The following WDR20 variants were observed in gnomAD, a reference collection of about 807,000 sequenced individuals.
WDR20 encodes the protein WD repeat-containing protein 20.
A neutral mutation model predicts 38.7 loss-of-function variants in WDR20; 3 were observed. The ratio of observed to expected loss-of-function variants is 0.08; its 90% CI spans 0.04 to 0.20. The LOEUF (loss-of-function observed/expected upper bound fraction) is 0.20. WDR20 is among the 10% of genes least tolerant of loss of function. WDR20 has a pLI of 1.00. For missense variants in WDR20, 559 were observed against 727.7 expected, an observed-to-expected ratio of 0.77 and a Z score of 2.67; for synonymous variants, 298 against 285.6, an observed-to-expected ratio of 1.04 and a Z score of -0.44.
rs908322578 is a variant in WDR20 at position 102,221,771 on chromosome 14, A to C, written c.1693-1059A>C. ...CCGATTGTCACCTTCATTTGTGTCC[A>C]CACAAGTCCAATATGTGAGAAGGTA... On this transcript the variant is annotated intron_variant, in intron 3 of 3. Coordinates refer to the WDR20 transcript ENST00000335263. The surrounding 1 kb of genome is among the most constrained non-coding windows in gnomAD (Gnocchi z 4.8). Among the ~76,000 whole-genome samples the C allele has an allele frequency of 6.6e-6, 1 of 152,146 alleles. No individual in the cohort carries two copies.
intron 1 of WDR20, among the ~76,000 whole-genome samples, chr14:102,186,639 C>T (rs1780268779): frequency 6.6e-6 from 1 of 152,092 alleles, no homozygotes; most frequent in African/African-American, 2.4e-5. Flanking sequence ...CTAGCAGCCC[C>T]AAGCCTGACT....
downstream of WDR20, among the ~76,000 whole-genome samples, chr14:102,211,954 G>A (rs550634951): frequency 2.0e-5 from 3 of 152,162 alleles, no homozygotes; most frequent in Non-Finnish European, 4.4e-5. The surrounding 1 kb of genome is among the most constrained non-coding windows in gnomAD (Gnocchi z 4.2). Flanking sequence ...GTGTGTGCCC[G>A]AGTAACCAAC....
At chr14:102,151,742 T>C (rs886356086) in intron 1 of WDR20, among the ~76,000 whole-genome samples, 11 of 150,298 alleles carry the variant, frequency 7.3e-5, no homozygotes, top group Admixed American at 5.3e-4. Context: ...TTTTCCTTTT[T>C]CTTTTTTTTT....
At chr14:102,202,915 A>G (rs2060769619) in intron 2 of WDR20, among the ~76,000 whole-genome samples, 1 of 152,182 alleles carries the variant, frequency 6.6e-6, no homozygotes, top group African/African-American at 2.4e-5. Flanking sequence ...TATATTTATT[A>G]GCTGCAGACC....
chr14:102,208,656 A>C lies in WDR20; in HGVS notation c.486A>C (p.Glu162Asp), dbSNP rs2061999387. The C allele has an allele frequency of 6.2e-7, 1 of 1,612,836 alleles. No individual in the cohort carries two copies. The highest frequency in any genetic ancestry group is 1.3e-5 in the African/African-American group (1 of 75,036). ...VTCVKWVPGSESLFLVAHSSG... is the reference protein window; with the variant it reads ...VTCVKWVPGSDSLFLVAHSSG... Reference sequence around the variant, plus strand: ...GTGTCAAATGGGTTCCCGGTTCGGAAAGCCTTTTCCTAGTAGCCCACTCGA... The same window carrying C: ...GTGTCAAATGGGTTCCCGGTTCGGACAGCCTTTTCCTAGTAGCCCACTCGA... Residue 162 changes from glutamate to aspartate, a missense_variant, in exon 3 of 3, where the codon GAA (glutamate) becomes GAC (aspartate). Physicochemically the swap from Glu to Asp is conservative, Grantham distance 45. Transcript: ENST00000342702. This position sits in a 1 kb window ranked among gnomAD's most constrained non-coding sequence, Gnocchi z 5.6.
chr14:102,141,063 C>T (rs895516717), intron 1 of WDR20, among the ~76,000 whole-genome samples: 5 of 152,140 alleles, frequency 3.3e-5, no homozygotes, highest in Non-Finnish European at 5.9e-5. Context: ...AAAAGTATCT[C>T]TTTAAAAGCA....
At chr14:102,150,241 T>C (rs1190577) in intron 1 of WDR20, among the ~76,000 whole-genome samples, 124,915 of 152,008 alleles carry the variant, frequency 0.82, 52,131 homozygotes, top group East Asian at 0.97. Flanking sequence ...GTTGGGAGGC[T>C]GAGGTGGGAG....
At chr14:102,162,611 T>A (rs928100116) in intron 1 of WDR20, among the ~76,000 whole-genome samples, 1 of 151,778 alleles carries the variant, frequency 6.6e-6, no homozygotes, top group Admixed American at 6.6e-5. Flanking sequence ...TTCTTTCTCT[T>A]GCTCTCTCAC....
chr14:102,187,406 G>C (rs1356952863), intron 1 of WDR20, among the ~76,000 whole-genome samples: 3 of 141,326 alleles, frequency 2.1e-5, no homozygotes, highest in African/African-American at 9.5e-5. Context: ...GTCACACATA[G>C]GCTGGGGGGG....
At chr14:102,151,163 C>G (rs967819375) in intron 1 of WDR20, among the ~76,000 whole-genome samples, 2 of 148,368 alleles carry the variant, frequency 1.3e-5, no homozygotes, top group African/African-American at 5.0e-5. Context: ...TCAAAACCAT[C>G]CATTGGGGAA....
rs940444351 is a variant in WDR20 at position 102,207,334 on chromosome 14, C to A, written c.433-1269C>A. Among the ~76,000 whole-genome samples, 9 of 152,230 alleles carry A rather than the reference C, an allele frequency of 5.9e-5. No individual in the cohort carries two copies. Among genetic ancestry groups the A allele is most frequent in the African/African-American group, 2.2e-4 (9 of 41,464 alleles). ...CTCATTAATTTCTTTCCCAGCCGTT[C>A]TTTTAAAAATCAAGTCGTCTTATTT... On this transcript the variant is annotated intron_variant, in intron 2 of 2. Coordinates refer to ENST00000342702, the MANE Select transcript of WDR20 (RefSeq NM_144574.4). The surrounding 1 kb of genome is among the most constrained non-coding windows in gnomAD (Gnocchi z 5.0).
Position 102,176,525 on chromosome 14 carries a change from C to T in WDR20, c.250-18413C>T, listed in dbSNP as rs565971635. 4.6e-5 allele frequency among the ~76,000 whole-genome samples: 7 copies of T among 152,292 alleles called. No homozygotes were observed. In the South Asian group the frequency reaches 1.0e-3, roughly 23 times the overall value. On this transcript the variant is annotated intron_variant, in intron 1 of 2. Coordinates refer to ENST00000342702, the MANE Select transcript of WDR20 (RefSeq NM_144574.4). The stretch of plus-strand genomic sequence containing the variant: ...TATCCTGGCTAACATGGTGAAACCC[C>T]GTCTCTACTAAAAACGCAAAAATTC...
upstream of WDR20, chr14:102,139,703 GA>G: frequency 1.4e-6 from 1 of 702,792 alleles, no homozygotes; most frequent in Middle Eastern, 4.0e-4. Context: ...GGAGCCTGCG[GA>G]CGCCCAGTCG....
intron 1 of WDR20, among the ~76,000 whole-genome samples, chr14:102,190,615 A>G (rs1170359563): frequency 6.6e-6 from 1 of 151,886 alleles, no homozygotes; most frequent in Non-Finnish European, 1.5e-5. Context: ...TGTTGACTAG[A>G]CAGAAGGTGA....
chr14:102,206,028 G>T (rs942117823), intron 2 of WDR20, among the ~76,000 whole-genome samples: 5 of 152,114 alleles, frequency 3.3e-5, no homozygotes, highest in Non-Finnish European at 5.9e-5. Flanking sequence ...TGTCGCCCAG[G>T]CTGGAATGCA....
In WDR20 at chr14:102,203,222, G is replaced by A. The variant is rs76853989; in HGVS notation, c.433-5381G>A. On this transcript the variant is annotated intron_variant, in intron 2 of 2. Transcript: ENST00000342702. ...CCAGTAGAAATACAGTGCCAGCCACGTGTGCAAGTTTAAATTTTCTAATTA... is the reference window on the plus strand; with the variant it reads ...CCAGTAGAAATACAGTGCCAGCCACATGTGCAAGTTTAAATTTTCTAATTA... Among the ~76,000 whole-genome samples the A allele has an allele frequency of 5.2e-4, 79 of 152,284 alleles. 1 individual carries two copies. Among genetic ancestry groups the A allele is most frequent in the African/African-American group, 1.7e-3 (71 of 41,534 alleles).
intron 1 of WDR20, among the ~76,000 whole-genome samples, chr14:102,158,005 G>C (rs894442510): frequency 1.3e-5 from 2 of 151,844 alleles, no homozygotes; most frequent in Non-Finnish European, 2.9e-5. Context: ...GGGTGCTATC[G>C]CTTCCCTTCC....
At chr14:102,213,654 G>A (rs556346406), downstream of WDR20, 52 of 985,484 alleles carry the variant, frequency 5.3e-5, no homozygotes, top group African/African-American at 2.3e-4. Context: ...CAGCTGGCAC[G>A]TGGCCAGGCA....
chr14:102,172,069 G>T (rs2060944397), intron 1 of WDR20, among the ~76,000 whole-genome samples: 1 of 151,548 alleles, frequency 6.6e-6, no homozygotes, highest in Non-Finnish European at 1.5e-5. Flanking sequence ...CGCAGTGTTT[G>T]TGTCCCTGGG....
Sources: gnomAD v4.1 joint callset for allele counts (sites outside exome capture counted in the v4.1 genomes callset) on GRCh38, gnomAD v4.1.1 for gene constraint, Gnocchi (gnomAD v3.1) non-coding constraint, MANE v1.5 for transcripts, NCBI Gene and HGNC (gene_info 2026-07-23, HGNC 2026-07-21) for gene names.